EXOC7: variants seen among roughly 807,000 people sequenced by gnomAD.
EXOC7 encodes the protein exocyst complex component Exo70.
In EXOC7, 51 loss-of-function variants were observed where a neutral mutation model predicts 87.6. That is an observed-to-expected ratio of 0.58 (90% CI 0.46 to 0.73). EXOC7 has a LOEUF of 0.73. Ranked by LOEUF, EXOC7 falls within the 30% of genes least tolerant of loss-of-function variation. The pLI is 0.00. For missense variants in EXOC7, 744 were observed against 888.4 expected (o/e 0.84, Z 2.07); for synonymous variants, 327 against 357.1 (o/e 0.92, Z 0.95).
At chr17:76,086,991 A>C in intron 12 of EXOC7, 1 of 1,053,726 alleles carries the variant, frequency 9.5e-7, no homozygotes. Flanking sequence ...ACGGCATGTC[A>C]ACCCGAATTA....
Position 76,082,714 on chromosome 17 carries a change from G to A in EXOC7, c.*934C>T. The stretch of plus-strand genomic sequence containing the variant: ...GTTTGCTTTCCCATGGCTGGGGGCG[G>A]GCCATGACAGGGCCTCTGGATTAAG... On this transcript the variant is annotated 3_prime_UTR_variant, in exon 19 of 19. Transcript: ENST00000589210. 1 of 1,487,324 alleles carries A rather than the reference G, an allele frequency of 6.7e-7. No homozygotes were observed. The highest frequency in any genetic ancestry group is 9.0e-7 in the Non-Finnish European group (1 of 1,113,082). The allele number at this position is 1,487,324 out of a possible 1,614,324, so 92.1% of individuals were successfully genotyped here.
intron 4 of EXOC7, among the ~76,000 whole-genome samples, chr17:76,098,867 A>C (rs76780287): frequency 4.9e-5 from 2 of 40,616 alleles, no homozygotes; most frequent in African/African-American, 1.4e-4. Context: ...CTCCGTCTCA[A>C]AAAAAAAAAA....
At position 76,101,750 on chromosome 17, in the gene EXOC7, C is replaced by A; in HGVS notation, c.240G>T (p.Thr80=). The stretch of plus-strand genomic sequence containing the variant: ...TGATGACATGGTCCAGGCAGGACAG[C>A]GTCTTCTCAACATTCTCCTGCAGCC... ...LQRLQENVEK[T]LSCLDHVISY... Residue 80 remains threonine (T), a synonymous_variant, in exon 3 of 19, where the codon ACG becomes ACT. Coordinates refer to ENST00000589210, the MANE Select transcript of EXOC7 (RefSeq NM_001013839.4). 2 of 1,614,090 alleles carry A rather than the reference C, an allele frequency of 1.2e-6. No homozygotes were observed. The highest frequency in any genetic ancestry group is 1.7e-6 in the Non-Finnish European group (2 of 1,180,008).
chr17:76,086,876 G>A lies in EXOC7; in HGVS notation c.1430-731C>T, dbSNP rs1285775422. The A allele has an allele frequency of 1.9e-6, 3 of 1,551,450 alleles. No homozygotes were observed. In the South Asian group the frequency reaches 3.6e-5, roughly 18 times the overall value. ...TACCTCGGGGGTCTAAAGGAATATT[G>A]TATGTGTCCCCAAGAACTACGGAGT... On this transcript the variant is annotated intron_variant, in intron 12 of 18. Transcript: ENST00000589210.
chr17:76,100,397 C>T (rs867350865), intron 4 of EXOC7, among the ~76,000 whole-genome samples: 7 of 151,288 alleles, frequency 4.6e-5, no homozygotes, highest in African/African-American at 9.7e-5. Flanking sequence ...GGAGCTGAGG[C>T]GGGCGGATCA....
intron 9 of EXOC7, 68 bp from the exon 10 acceptor site, chr17:76,088,630 CCCTT>C (rs2144621719): frequency 1.3e-6 from 2 of 1,595,316 alleles, no homozygotes; most frequent in South Asian, 2.2e-5. Context: ...TCACCCAGGG[CCCTT>C]CCTAAGCTGC....
At chr17:76,088,711 G>C (rs904285529) in intron 9 of EXOC7, 60 bp downstream of exon 9, 1 of 1,606,974 alleles carries the variant, frequency 6.2e-7, no homozygotes. Flanking sequence ...GGATGGGGCG[G>C]CCACACCCGG....
intron 1 of EXOC7, 52 bp from the exon 2 acceptor site, chr17:76,103,478 CCA>C (rs1430256458): frequency 9.6e-6 from 15 of 1,556,176 alleles, no homozygotes; most frequent in Non-Finnish European, 1.2e-5. Context: ...CTAAAGGAGA[CCA>C]CTGCGTCCCA....
Position 76,083,699 on chromosome 17 carries a change from C to T in EXOC7, c.2004G>A (p.Gly668=), listed in dbSNP as rs751176361. The T allele has an allele frequency of 1.2e-6, 2 of 1,613,812 alleles. No individual in the cohort carries two copies. The highest frequency in any genetic ancestry group is 2.2e-5 in the South Asian group (2 of 91,060). Residue 668 remains glycine (G), a synonymous_variant, in exon 19 of 19, where the codon GGG becomes GGA. Coordinates refer to ENST00000589210, the MANE Select transcript of EXOC7 (RefSeq NM_001013839.4). The stretch of plus-strand genomic sequence containing the variant: ...CGATCATGTCGCCCACCTGCTCCAC[C>T]CCGTACTTGATGTACTTCTCCGGGT... ...TKNPEKYIKY[G]VEQVGDMIDR... is the part of the protein sequence containing the mutation.
chr17:76,096,300 G>A (rs1356092225), intron 5 of EXOC7, among the ~76,000 whole-genome samples: 1 of 152,060 alleles, frequency 6.6e-6, no homozygotes, highest in Admixed American at 6.6e-5. Flanking sequence ...GATCACCTGA[G>A]GTCAGGAGTT....
Position 76,103,630 on chromosome 17 carries a change from C to T in EXOC7, c.60+3G>A, listed in dbSNP as rs755455726. 1.2e-6 allele frequency: 2 copies of T among 1,613,618 alleles called. No individual in the cohort carries two copies. The highest frequency in any genetic ancestry group is 1.7e-6 in the Non-Finnish European group (2 of 1,179,802). ...TCCCCAGCCTCCCCAGGCCCACGCCCACCTGCTTCAGCTTGTCCTCAATCT... is the reference window on the plus strand; with the variant it reads ...TCCCCAGCCTCCCCAGGCCCACGCCTACCTGCTTCAGCTTGTCCTCAATCT... On this transcript the variant is annotated splice_donor_region_variant and intron_variant, in intron 1 of 18. Coordinates refer to ENST00000589210, the MANE Select transcript of EXOC7 (RefSeq NM_001013839.4).
At chr17:76,091,268 A>AGTG (rs2067466363) in intron 6 of EXOC7, 33 bp from the exon 7 acceptor site, 1 of 1,591,324 alleles carries the variant, frequency 6.3e-7, no homozygotes. Flanking sequence ...AGGAGATAAG[A>AGTG]AGACCTAGGA....
Position 76,103,354 on chromosome 17 carries a change from G to A in EXOC7, c.126+7C>T, listed in dbSNP as rs1170526709. ...CTGCCCTCTCCCCCAGCTGCGGGGA[G>A]ACTCACCATGTTCTTAGTGAGCTGG... On this transcript the variant is annotated splice_region_variant and intron_variant, in intron 2 of 18. Coordinates refer to ENST00000589210, the MANE Select transcript of EXOC7 (RefSeq NM_001013839.4). 6.3e-7 allele frequency: 1 copy of A among 1,593,862 alleles called. No homozygotes were observed. Among genetic ancestry groups the A allele is most frequent in the Non-Finnish European group, 8.5e-7 (1 of 1,169,712 alleles).
In EXOC7 at chr17:76,088,755, C is replaced by A. The variant is rs768040787; in HGVS notation, c.1200+16G>T. 6.2e-7 allele frequency: 1 copy of A among 1,612,870 alleles called. No homozygotes were observed. Among genetic ancestry groups the A allele is most frequent in the Non-Finnish European group, 8.5e-7 (1 of 1,179,762 alleles). ...TGCCTCCTGGCTGTGTTTTTGAGGG[C>A]CCCTCGCCCACATACCTGGAGCACC... is the stretch of plus-strand genomic sequence containing the variant. On this transcript the variant is annotated intron_variant, in intron 9 of 18. Transcript: ENST00000589210.
Position 76,082,470 on chromosome 17 carries a change from C to T in EXOC7, c.*1178G>A. Reference sequence around the variant, plus strand: ...CTGTATCTCTCCCCACAGAGCCCTCCAGAGGAGTAAAGGGGTCACAGAGAA... The same window carrying T: ...CTGTATCTCTCCCCACAGAGCCCTCTAGAGGAGTAAAGGGGTCACAGAGAA... On this transcript the variant is annotated 3_prime_UTR_variant, in exon 19 of 19. Transcript: ENST00000589210. 6.2e-7 allele frequency: 1 copy of T among 1,611,166 alleles called. No individual in the cohort carries two copies. Among genetic ancestry groups the T allele is most frequent in the Non-Finnish European group, 8.5e-7 (1 of 1,178,554 alleles).
At chr17:76,098,582 C>G (rs539847183) in intron 4 of EXOC7, among the ~76,000 whole-genome samples, 9 of 152,066 alleles carry the variant, frequency 5.9e-5, no homozygotes, top group Admixed American at 5.9e-4. Flanking sequence ...GGCTGATTGG[C>G]CGTGCACGGT....
In EXOC7 at chr17:76,088,524, G is replaced by A. The variant is rs373896817; in HGVS notation, c.1239C>T (p.Leu413=). Residue 413 remains leucine (L), a synonymous_variant, in exon 10 of 19, where the codon CTC becomes CTT. Coordinates refer to ENST00000589210, the MANE Select transcript of EXOC7 (RefSeq NM_001013839.4). ...CACCGATGGTCTCCATGGATGTGAT[G>A]AGGCCAGGCAGCTTGTTCTTTGTGC... ...AASTKNKLPG[L]ITSMETIGAK... is the part of the protein sequence containing the mutation. The A allele has an allele frequency of 2.3e-5, 37 of 1,613,930 alleles. No homozygotes were observed. Among genetic ancestry groups the A allele is most frequent in the Middle Eastern group, 1.6e-4 (1 of 6,082 alleles).
chr17:76,099,895 TAGTTTGAG>T (rs2067973235), intron 4 of EXOC7, among the ~76,000 whole-genome samples: 1 of 151,716 alleles, frequency 6.6e-6, no homozygotes, highest in Admixed American at 6.6e-5. Flanking sequence ...CTGAGGACAG[TAGTTTGAG>T]ACCAGCCTGA....
In EXOC7 at chr17:76,083,529, G is replaced by T; in HGVS notation, c.*119C>A. ...TCAGGGACACAGCTCCCGGAGGCGT[G>T]GAGACAGGTCTCTGTCCCAGAGGAC... On this transcript the variant is annotated 3_prime_UTR_variant, in exon 19 of 19. Transcript: ENST00000589210. 1 of 955,342 alleles carries T rather than the reference G, an allele frequency of 1.0e-6. No homozygotes were observed. 59.2% of individuals were successfully genotyped at this position (955,342 alleles called of 1,614,324 possible).
Sources: gnomAD v4.1 joint callset for allele counts (sites outside exome capture counted in the v4.1 genomes callset) on GRCh38, gnomAD v4.1.1 for gene constraint, MANE v1.5 for transcripts, NCBI Gene and HGNC (gene_info 2026-07-23, HGNC 2026-07-21) for gene names.